FGF13: variants seen among roughly 807,000 people sequenced by gnomAD.
The protein encoded by FGF13 is fibroblast growth factor 13.
Under a neutral mutation model 19.5 loss-of-function variants are expected in FGF13, and 2 were observed. That is an observed-to-expected ratio of 0.10 (90% CI 0.04 to 0.32). The LOEUF (loss-of-function observed/expected upper bound fraction) is 0.32, where lower values mean the gene tolerates loss of function less well. FGF13 is among the 10% of genes least tolerant of loss of function. The pLI is 1.00. For synonymous variants in FGF13, 72 were observed against 76.9 expected (o/e 0.94, Z 0.33); for missense variants, 113 against 192.7 (o/e 0.59, Z 2.45).
intron 1 of FGF13, among the ~76,000 whole-genome samples, chrX:139,136,022 T>C (rs1432884592): frequency 1.8e-5 from 2 of 111,844 alleles, no homozygotes; most frequent in African/African-American, 3.3e-5. Flanking sequence ...CTTCAGATAG[T>C]TAACTTCTAA....
intron 1 of FGF13, among the ~76,000 whole-genome samples, chrX:139,044,585 G>C (rs1016800133): frequency 8.1e-5 from 9 of 111,095 alleles, no homozygotes; most frequent in African/African-American, 1.3e-4. Context: ...CAAACCTCAT[G>C]TCTTTCTCAC....
chrX:138,945,515 T>C (rs2091777740), intron 1 of FGF13, among the ~76,000 whole-genome samples: 1 of 111,855 alleles, frequency 8.9e-6, no homozygotes, highest in Non-Finnish European at 1.9e-5. Flanking sequence ...GGGTCATTCC[T>C]AGAAGAAAGG....
At chrX:138,692,482 C>T (rs1378049959) in intron 3 of FGF13, among the ~76,000 whole-genome samples, 2 of 107,430 alleles carry the variant, frequency 1.9e-5, no homozygotes, top group African/African-American at 6.8e-5. Flanking sequence ...ATGAGAATCA[C>T]TGGGTAATCA....
At position 139,037,076 on chromosome X, in the gene FGF13, T is replaced by A. The variant is rs149700570; in HGVS notation, c.-113+166340A>T. Among the ~76,000 whole-genome samples, 1,046 of 110,926 alleles carry A rather than the reference T, an allele frequency of 9.4e-3. 10 individuals carry two copies. Among genetic ancestry groups the A allele is most frequent in the African/African-American group, 0.032 (971 of 30,536 alleles). ...TGTTAGCTCCAATGGAGACAACTCT[T>A]CTACCACAATACACTGAACCACCTA... On this transcript the variant is annotated intron_variant, in intron 1 of 2. Coordinates refer to the FGF13 transcript ENST00000421460.
chrX:138,700,998 T>C (rs774474683), intron 3 of FGF13, among the ~76,000 whole-genome samples: 52 of 112,405 alleles, frequency 4.6e-4, no homozygotes, highest in African/African-American at 1.6e-3. Context: ...GTTCCTTAAG[T>C]GTAATGCTGA....
chrX:138,617,764 A>AC lies in FGF13; in HGVS notation c.*15085dup, dbSNP rs1211848967. ...AGACCCACCTGGGCAACATAGTGAGACCCCATCTCTACAAAAAATGTAAAA... is the reference window on the plus strand; with the variant it reads ...AGACCCACCTGGGCAACATAGTGAGACCCCCATCTCTACAAAAAATGTAAAA... On this transcript the variant is annotated 3_prime_UTR_variant, in exon 5 of 5. Coordinates refer to ENST00000315930, the MANE Select transcript of FGF13 (RefSeq NM_004114.5). 1 of 111,018 alleles carries AC rather than the reference A, an allele frequency of 9.0e-6. No individual in the cohort carries two copies. The highest frequency in any genetic ancestry group is 1.9e-5 in the Non-Finnish European group (1 of 53,052). The allele number at this position is 111,018 out of a possible 1,213,427, so 9.1% of individuals were successfully genotyped here.
downstream of FGF13, among the ~76,000 whole-genome samples, chrX:138,854,131 AAC>A (rs1189696060): frequency 1.8e-5 from 2 of 112,106 alleles, no homozygotes; most frequent in African/African-American, 6.5e-5. Context: ...GCTTTCTTTT[AAC>A]AAAGAACATT....
intron 1 of FGF13, among the ~76,000 whole-genome samples, chrX:139,142,267 A>C (rs1182666378): frequency 1.8e-5 from 2 of 112,078 alleles, no homozygotes; most frequent in Non-Finnish European, 3.8e-5. Flanking sequence ...TTTAGTTGTC[A>C]AGTGAGAAAA....
At chrX:139,066,807 G>A (rs2092358210) in intron 1 of FGF13, among the ~76,000 whole-genome samples, 1 of 110,321 alleles carries the variant, frequency 9.1e-6, no homozygotes, top group Non-Finnish European at 1.9e-5. Context: ...ACCAAAGCCT[G>A]GCAGAGACAC....
At chrX:139,100,091 A>ACACACACACACACACACACAC (rs2083500494) in intron 1 of FGF13, among the ~76,000 whole-genome samples, 1 of 58,582 alleles carries the variant, frequency 1.7e-5, no homozygotes, top group Non-Finnish European at 3.6e-5. Flanking sequence ...CACACACATA[A>ACACACACACACACACACACAC]ACACATGTTC....
intron 3 of FGF13, among the ~76,000 whole-genome samples, chrX:138,848,191 A>G (rs2091196810): frequency 8.9e-6 from 1 of 111,874 alleles, no homozygotes. Flanking sequence ...AAGTAAGGGA[A>G]CTTCAGAAAG....
chrX:138,892,397 T>C (rs1012299467), intron 1 of FGF13, among the ~76,000 whole-genome samples: 1 of 111,873 alleles, frequency 8.9e-6, no homozygotes, highest in Admixed American at 9.5e-5. Context: ...AATACATATA[T>C]GTATATCACA....
At chrX:138,932,005 C>T (rs2091703733) in intron 1 of FGF13, among the ~76,000 whole-genome samples, 2 of 110,318 alleles carry the variant, frequency 1.8e-5, no homozygotes, top group African/African-American at 6.6e-5. Flanking sequence ...AAACTATCCC[C>T]CCACCCCCCA....
chrX:139,046,307 G>A (rs565758468), intron 1 of FGF13, among the ~76,000 whole-genome samples: 5 of 111,211 alleles, frequency 4.5e-5, no homozygotes, highest in Admixed American at 1.9e-4. Context: ...ACTGAGCCAC[G>A]AGGGATCCGC....
chrX:138,967,193 T>C (rs1317365237), intron 1 of FGF13, among the ~76,000 whole-genome samples: 3 of 110,097 alleles, frequency 2.7e-5, no homozygotes, highest in African/African-American at 9.9e-5. Flanking sequence ...TACTATTTCA[T>C]TTTCTTTTAT....
At chrX:139,043,297 C>T (rs746076868) in intron 1 of FGF13, among the ~76,000 whole-genome samples, 10 of 110,634 alleles carry the variant, frequency 9.0e-5, no homozygotes, top group Admixed American at 1.9e-4. Context: ...CTGCAACCCC[C>T]GCCTCCCAAG....
rs1362784201 is a variant in FGF13 at position 138,618,624 on chromosome X, T to C, written c.*14226A>G. 1.8e-5 allele frequency: 2 copies of C among 111,345 alleles called. No homozygotes were observed. Among genetic ancestry groups the C allele is most frequent in the African/African-American group, 6.5e-5 (2 of 30,554 alleles). The allele number at this position is 111,345 out of a possible 1,213,427, so 9.2% of individuals were successfully genotyped here. ...ATGGGTGCTCCCAAAACTTTGCATG[T>C]CTCCCTCTCTCCTCTACCTTGGCTT... On this transcript the variant is annotated 3_prime_UTR_variant, in exon 5 of 5. Transcript: ENST00000315930.
At chrX:138,967,042 G>A (rs1184309626) in intron 1 of FGF13, among the ~76,000 whole-genome samples, 1 of 110,998 alleles carries the variant, frequency 9.0e-6, no homozygotes, top group Non-Finnish European at 1.9e-5. Flanking sequence ...GTGGAACTGT[G>A]AGTCAATTAA....
At chrX:138,860,412 C>T (rs2091282411) in intron 2 of FGF13, among the ~76,000 whole-genome samples, 2 of 111,271 alleles carry the variant, frequency 1.8e-5, no homozygotes, top group Non-Finnish European at 3.8e-5. Flanking sequence ...AAAAGGAGAC[C>T]TGCAAAGAAT....
Sources: gnomAD v4.1 joint callset for allele counts (sites outside exome capture counted in the v4.1 genomes callset) on GRCh38, gnomAD v4.1.1 for gene constraint, MANE v1.5 for transcripts, NCBI Gene and HGNC (gene_info 2026-07-23, HGNC 2026-07-21) for gene names.